The following ANKRD30A variants were observed in gnomAD, a reference collection of about 807,000 sequenced individuals.
ANKRD30A encodes ankyrin repeat domain-containing protein 30A.
Under a neutral mutation model 166.3 loss-of-function variants are expected in ANKRD30A, and 170 were observed. The ratio of observed to expected loss-of-function variants is 1.02; its 90% CI spans 0.90 to 1.16. The LOEUF is 1.16. Among genes scored for constraint, ANKRD30A ranks in the 50% most tolerant of loss-of-function variants. ANKRD30A has a pLI of 0.00. For missense variants in ANKRD30A, 1,630 were observed against 1,518.0 expected (o/e 1.07, Z -1.23); for synonymous variants, 564 against 508.9 (o/e 1.11, Z -1.46).
the ANKRD30A span, among the ~76,000 whole-genome samples, chr10:37,255,586 A>AT: frequency 6.6e-6 from 1 of 152,134 alleles, no homozygotes; most frequent in African/African-American, 2.4e-5. Flanking sequence ...ATTTCCAAAA[A>AT]TTTTTTATCA....
chr10:37,235,307 T>C (rs1843623865), downstream of ANKRD30A, among the ~76,000 whole-genome samples: 1 of 152,202 alleles, frequency 6.6e-6, no homozygotes, highest in African/African-American at 2.4e-5. Flanking sequence ...CTTTGGTCAA[T>C]TAAGTGTTGC....
chr10:37,241,281 C>T, the ANKRD30A span: 1 of 150,738 alleles, frequency 6.6e-6, no homozygotes, highest in Non-Finnish European at 1.5e-5. Flanking sequence ...AAGGTACTAA[C>T]TTTTATTTTT....
In ANKRD30A at chr10:37,162,758, G is replaced by T; in HGVS notation, c.1930-18G>T. The T allele has an allele frequency of 6.2e-7, 1 of 1,613,490 alleles. No homozygotes were observed. The highest frequency in any genetic ancestry group is 8.5e-7 in the Non-Finnish European group (1 of 1,179,716). Reference sequence around the variant, plus strand: ...GTATACATTCTTTATTAATCATTTTGCTTCCAACCCCATTTAGCCTGCCAC... The same window carrying T: ...GTATACATTCTTTATTAATCATTTTTCTTCCAACCCCATTTAGCCTGCCAC... On this transcript the variant is annotated intron_variant, in intron 16 of 35. Transcript: ENST00000361713.
Position 37,219,210 on chromosome 10 carries a change from G to A in ANKRD30A, c.3498G>A (p.Gly1166=), listed in dbSNP as rs879120235. The A allele has an allele frequency of 5.0e-6, 8 of 1,610,650 alleles. No homozygotes were observed. The highest frequency in any genetic ancestry group is 5.9e-6 in the Non-Finnish European group (7 of 1,177,640). ...SLTKRASQYS[G]QLKVLIAENT... Reference sequence around the variant, plus strand: ...CTAAAAGGGCATCTCAATATAGTGGGCAGCTTAAAGTTCTGATAGCTGAGA... The same window carrying A: ...CTAAAAGGGCATCTCAATATAGTGGACAGCTTAAAGTTCTGATAGCTGAGA... The change falls in exon 34 of 36, where the codon GGG becomes GGA. Residue 1166 remains glycine (G), a synonymous_variant. Transcript: ENST00000361713.
intron 34 of ANKRD30A, among the ~76,000 whole-genome samples, chr10:37,225,973 G>A (rs528487105): frequency 8.8e-4 from 134 of 151,658 alleles, no homozygotes; most frequent in African/African-American, 3.2e-3. Flanking sequence ...TCCTTGCTCA[G>A]TTCTAGGGAA....
intron 6 of ANKRD30A, among the ~76,000 whole-genome samples, chr10:37,140,300 G>A (rs762535782): frequency 1.1e-4 from 17 of 152,222 alleles, no homozygotes; most frequent in East Asian, 1.9e-4. Flanking sequence ...ATAGTGACTC[G>A]TGTCACTAAA....
At chr10:37,178,393 G>T in intron 24 of ANKRD30A, 4 of 505,432 alleles carry the variant, frequency 7.9e-6, no homozygotes, top group Non-Finnish European at 1.0e-5. Context: ...ACTTTAGAAA[G>T]TCAGCTGAAA....
At chr10:37,167,304 A>ATATATATATG (rs1387610550) in intron 19 of ANKRD30A, among the ~76,000 whole-genome samples, 1 of 143,414 alleles carries the variant, frequency 7.0e-6, no homozygotes, top group Admixed American at 6.7e-5. Context: ...ATATATATAG[A>ATATATATATG]TGTGTGCATG....
chr10:37,159,941 C>T (rs1178711842), intron 15 of ANKRD30A, among the ~76,000 whole-genome samples: 2 of 152,176 alleles, frequency 1.3e-5, no homozygotes, highest in Non-Finnish European at 2.9e-5. Flanking sequence ...CCTTGTGATC[C>T]GCCCACCTCG....
chr10:37,252,463 C>G, the ANKRD30A span, among the ~76,000 whole-genome samples: 1 of 152,178 alleles, frequency 6.6e-6, no homozygotes, highest in East Asian at 1.9e-4. Flanking sequence ...CCTCCCTCTG[C>G]TCATGGCATT....
Position 37,217,679 on chromosome 10 carries a change from G to A in ANKRD30A, c.3084-16G>A, listed in dbSNP as rs1183759157. The A allele has an allele frequency of 2.7e-6, 4 of 1,502,772 alleles. No individual in the cohort carries two copies. Among genetic ancestry groups the A allele is most frequent in the Non-Finnish European group, 1.8e-6 (2 of 1,125,308 alleles). 93.1% of individuals were successfully genotyped at this position (1,502,772 alleles called of 1,614,324 possible). ...TCTAACAAAATGAATTTTAAGATAA[G>A]TATGTTTAATGGCAGATTGACTTTA... is the stretch of plus-strand genomic sequence containing the variant. On this transcript the variant is annotated splice_polypyrimidine_tract_variant and intron_variant, in intron 32 of 35. Transcript: ENST00000361713.
intron 15 of ANKRD30A, among the ~76,000 whole-genome samples, chr10:37,161,357 T>C (rs1162789161): frequency 1.3e-5 from 2 of 152,132 alleles, no homozygotes; most frequent in East Asian, 3.9e-4. Context: ...TAAGATACTA[T>C]CACTAAACAA....
At chr10:37,127,203 C>A (rs1309177029) in intron 1 of ANKRD30A, among the ~76,000 whole-genome samples, 1 of 151,682 alleles carries the variant, frequency 6.6e-6, no homozygotes, top group Non-Finnish European at 1.5e-5. Flanking sequence ...ACACTTTATA[C>A]TAGCAGGAAA....
Position 37,219,398 on chromosome 10 carries a change from C to A in ANKRD30A, c.3686C>A (p.Ala1229Asp). The change falls in exon 34 of 36, where the codon GCT becomes GAT. Residue 1229 changes from alanine to aspartate, a missense_variant. Physicochemically the swap from Ala to Asp is moderately radical, Grantham distance 126. Coordinates refer to ENST00000361713, the MANE Select transcript of ANKRD30A (RefSeq NM_052997.3). Reference sequence around the variant, plus strand: ...CCTGCTTTCCACATTGCAGGAGATGCTTGTTTGCAAAGAAAAATGAATGTT... The same window carrying A: ...CCTGCTTTCCACATTGCAGGAGATGATTGTTTGCAAAGAAAAATGAATGTT... ...QEPAFHIAGDACLQRKMNVDV... is the reference protein window; with the variant it reads ...QEPAFHIAGDDCLQRKMNVDV... 6.2e-7 allele frequency: 1 copy of A among 1,610,468 alleles called. No homozygotes were observed. Among genetic ancestry groups the A allele is most frequent in the Non-Finnish European group, 8.5e-7 (1 of 1,177,736 alleles).
At chr10:37,196,630 A>G (rs918878059) in intron 27 of ANKRD30A, among the ~76,000 whole-genome samples, 4 of 152,208 alleles carry the variant, frequency 2.6e-5, no homozygotes, top group African/African-American at 7.2e-5. Flanking sequence ...ATTTTTATAG[A>G]AATATGTCAA....
At chr10:37,249,149 G>A in the ANKRD30A span, among the ~76,000 whole-genome samples, 4 of 152,114 alleles carry the variant, frequency 2.6e-5, no homozygotes, top group Non-Finnish European at 4.4e-5. Context: ...CTTCTGAGCC[G>A]GATATTCCTG....
chr10:37,227,850 A>C (rs1020011651), intron 34 of ANKRD30A, among the ~76,000 whole-genome samples: 6 of 152,000 alleles, frequency 3.9e-5, no homozygotes, highest in African/African-American at 1.4e-4. Flanking sequence ...AATCATCTGT[A>C]GATGTTATCC....
intron 24 of ANKRD30A, among the ~76,000 whole-genome samples, chr10:37,179,632 C>T (rs1196526992): frequency 1.4e-5 from 2 of 147,624 alleles, no homozygotes; most frequent in Non-Finnish European, 3.0e-5. Context: ...CTACATTCAG[C>T]TGAACTCTTA....
chr10:37,240,079 A>G, the ANKRD30A span, among the ~76,000 whole-genome samples: 1 of 152,126 alleles, frequency 6.6e-6, no homozygotes, highest in African/African-American at 2.4e-5. Flanking sequence ...TCATTAATTG[A>G]TAAGTACATC....
Sources: allele counts gnomAD v4.1 joint callset (sites outside exome capture counted in the v4.1 genomes callset), GRCh38; gene constraint gnomAD v4.1.1; transcripts MANE v1.5; gene names NCBI Gene and HGNC (gene_info 2026-07-23, HGNC 2026-07-21).